The following EPHA2 variants were observed in gnomAD, a reference collection of about 807,000 sequenced individuals.
EPHA2 encodes the protein ephrin type-A receptor 2.
Under a neutral mutation model 104.9 loss-of-function variants are expected in EPHA2, and 54 were observed. The ratio of observed to expected loss-of-function variants is 0.51; its 90% confidence interval spans 0.41 to 0.65. The LOEUF is 0.65. EPHA2 is among the 30% of genes least tolerant of loss of function. The pLI is 0.00. For missense variants in EPHA2, 1,117 were observed against 1,369.5 expected (o/e 0.82, Z 2.91); for synonymous variants, 560 against 559.1 (o/e 1.00, Z -0.02).
Position 16,148,524 on chromosome 1 carries a change from A to G in EPHA2, c.677T>C (p.Val226Ala), listed in dbSNP as rs375273120. 39 of 1,613,648 alleles carry G rather than the reference A, an allele frequency of 2.4e-5. No individual in the cohort carries two copies. The highest frequency in any genetic ancestry group is 3.3e-5 in the Non-Finnish European group (39 of 1,179,978). The change falls in exon 3 of 17, where the codon GTG (valine) becomes GCG (alanine). Residue 226 changes from valine (V) to alanine (A), a missense_variant. Val to Ala is a moderately conservative substitution (Grantham distance 64). Transcript: ENST00000358432. The surrounding 1 kb of genome is among the most constrained non-coding windows in gnomAD (Gnocchi z 4.9). ...AGSDAPSLATVAGTCVDHAVV... is the reference protein window; with the variant it reads ...AGSDAPSLATAAGTCVDHAVV... ...GGCATGGTCCACACAGGTGCCGGCCACAGTGGCCAGGGAAGGTGCATCAGA... is the reference window on the plus strand; with the variant it reads ...GGCATGGTCCACACAGGTGCCGGCCGCAGTGGCCAGGGAAGGTGCATCAGA...
rs1242735985 is a variant in EPHA2, at chr1:16,131,147, C to T, written c.2475+574G>A. 3.3e-5 allele frequency among the ~76,000 whole-genome samples: 5 copies of T among 152,220 alleles called. No homozygotes were observed. Among genetic ancestry groups the T allele is most frequent in the African/African-American group, 1.2e-4 (5 of 41,466 alleles). On this transcript the variant is annotated intron_variant, in intron 14 of 16. Transcript: ENST00000358432. This position sits in a 1 kb window ranked among gnomAD's most constrained non-coding sequence, Gnocchi z 5.2. ...ACACACACACACATGCATGCATGCA[C>T]ATGTGCACACATACGGATGCACACA...
At position 16,131,936 on chromosome 1, in the gene EPHA2, G is replaced by A. The variant is rs779009465; in HGVS notation, c.2326-66C>T. 55 of 1,599,738 alleles carry A rather than the reference G, an allele frequency of 3.4e-5. No homozygotes were observed. The highest frequency in any genetic ancestry group is 4.0e-5 in the African/African-American group (3 of 74,586). ...CTGGCCCCAGGACCATTGCAGCCAA[G>A]CCCCACGACCCCTCCCTGGACTCCT... On this transcript the variant is annotated intron_variant, in intron 13 of 16. Coordinates refer to ENST00000358432, the MANE Select transcript of EPHA2 (RefSeq NM_004431.5). This position sits in a 1 kb window ranked among gnomAD's most constrained non-coding sequence, Gnocchi z 5.2.
chr1:16,130,366 G>C lies in EPHA2; in HGVS notation c.2529C>G (p.Pro843=). The C allele has an allele frequency of 6.3e-7, 1 of 1,578,600 alleles. No individual in the cohort carries two copies. The highest frequency in any genetic ancestry group is 8.6e-7 in the Non-Finnish European group (1 of 1,156,654). The part of the protein sequence containing the change: ...GFRLPTPMDC[P]SAIYQLMMQC... ...GCATCATGAGCTGGTAGATGGCGGA[G>C]GGGCAGTCCATGGGTGTGGGGAGCC... Residue 843 remains proline, a synonymous_variant, in exon 15 of 17, where the codon CCC becomes CCG. Coordinates refer to ENST00000358432, the MANE Select transcript of EPHA2 (RefSeq NM_004431.5). This position sits in a 1 kb window ranked among gnomAD's most constrained non-coding sequence, Gnocchi z 4.5.
Position 16,132,285 on chromosome 1 carries a change from C to G in EPHA2, c.2116-12G>C. 6.2e-7 allele frequency: 1 copy of G among 1,614,044 alleles called. No individual in the cohort carries two copies. Among genetic ancestry groups the G allele is most frequent in the Middle Eastern group, 1.6e-4 (1 of 6,062 alleles). On this transcript the variant is annotated splice_polypyrimidine_tract_variant and intron_variant, in intron 12 of 16. Transcript: ENST00000358432. ...TCGCCATCCTTCTCCTGCCGGAGCA[C>G]AGGCGCTCAGCTGCAGGCCAGCCCT...
intron 15 of EPHA2, among the ~76,000 whole-genome samples, 171 bp from the exon 16 acceptor site, chr1:16,129,760 G>A (rs376996229): frequency 7.9e-5 from 12 of 152,268 alleles, no homozygotes; most frequent in African/African-American, 1.2e-4. Context: ...CTCCTGGCAC[G>A]TTGGGAGCGC....
intron 1 of EPHA2, 103 bp from the exon 2 acceptor site, chr1:16,151,066 G>C (rs2025026046): frequency 9.1e-7 from 1 of 1,100,158 alleles, no homozygotes; most frequent in African/African-American, 1.5e-5. Context: ...CTCTCAGACA[G>C]AGCGAGAGGG....
chr1:16,130,201 C>A lies in EPHA2; in HGVS notation c.2669+25G>T, dbSNP rs1167653795. On this transcript the variant is annotated intron_variant, in intron 15 of 16. Coordinates refer to ENST00000358432, the MANE Select transcript of EPHA2 (RefSeq NM_004431.5). This position sits in a 1 kb window ranked among gnomAD's most constrained non-coding sequence, Gnocchi z 4.5. Reference sequence around the variant, plus strand: ...TCTGCAGAAGGAAAATTGAGGTCATCATGGGCAGAGGGCATAGAACTCACC... The same window carrying A: ...TCTGCAGAAGGAAAATTGAGGTCATAATGGGCAGAGGGCATAGAACTCACC... 22 of 1,613,924 alleles carry A rather than the reference C, an allele frequency of 1.4e-5. No individual in the cohort carries two copies. Among genetic ancestry groups the A allele is most frequent in the Non-Finnish European group, 1.8e-5 (21 of 1,179,942 alleles).
At position 16,131,889 on chromosome 1, in the gene EPHA2, C is replaced by G; in HGVS notation, c.2326-19G>C. On this transcript the variant is annotated intron_variant, in intron 13 of 16. Transcript: ENST00000358432. The surrounding 1 kb of genome is among the most constrained non-coding windows in gnomAD (Gnocchi z 5.2). ...TGCCGCCCTGCAGGGAACCCAGGCC[C>G]AGTCACCACTGTGCCCTCTGGCTGG... is the stretch of plus-strand genomic sequence containing the variant. 6.2e-7 allele frequency: 1 copy of G among 1,612,548 alleles called. No homozygotes were observed.
rs557194943 is a variant in EPHA2, at chr1:16,124,522, A to C, written c.*693T>G. On this transcript the variant is annotated 3_prime_UTR_variant, in exon 17 of 17. Coordinates refer to ENST00000358432, the MANE Select transcript of EPHA2 (RefSeq NM_004431.5). The stretch of plus-strand genomic sequence containing the variant: ...GGGCCGACTGGGGCATGGGCAGGAC[A>C]CTCCTGCAGCACCGGTCCCTGAGTC... 6.6e-6 allele frequency: 1 copy of C among 152,342 alleles called. No homozygotes were observed. Among genetic ancestry groups the C allele is most frequent in the Non-Finnish European group, 1.5e-5 (1 of 68,016 alleles). 9.4% of individuals were successfully genotyped at this position (152,342 alleles called of 1,614,324 possible).
In EPHA2 at chr1:16,148,024, T is replaced by C. The variant is rs1037549019; in HGVS notation, c.823+354A>G. On this transcript the variant is annotated intron_variant, in intron 3 of 16. Transcript: ENST00000358432. The surrounding 1 kb of genome is among the most constrained non-coding windows in gnomAD (Gnocchi z 4.9). ...CCAAGTAGCTGGGATTACAGGTGCA[T>C]GCCACCACACCCAGCTAATTTTTGT... Among the ~76,000 whole-genome samples, 1 of 152,010 alleles carries C rather than the reference T, an allele frequency of 6.6e-6. No individual in the cohort carries two copies. The highest frequency in any genetic ancestry group is 1.5e-5 in the Non-Finnish European group (1 of 68,006).
At position 16,148,383 on chromosome 1, in the gene EPHA2, C is replaced by T. The variant is rs779899828; in HGVS notation, c.818G>A (p.Cys273Tyr). 1 of 1,613,666 alleles carries T rather than the reference C, an allele frequency of 6.2e-7. No homozygotes were observed. The highest frequency in any genetic ancestry group is 8.5e-7 in the Non-Finnish European group (1 of 1,180,036). ...QAGYEKVEDA[C>Y]QACSPGFFKF... ...AACCCAGAACCGTCACTCACCCTGGCAGGCATCCTCCACCTTCTCGTAGCC... is the reference window on the plus strand; with the variant it reads ...AACCCAGAACCGTCACTCACCCTGGTAGGCATCCTCCACCTTCTCGTAGCC... The change falls in exon 3 of 17, where the codon TGC becomes TAC. Residue 273 changes from cysteine (C) to tyrosine (Y), a missense_variant. Transcript: ENST00000358432. This position sits in a 1 kb window ranked among gnomAD's most constrained non-coding sequence, Gnocchi z 4.9.
At position 16,134,337 on chromosome 1, in the gene EPHA2, C is replaced by T. The variant is rs2024639645; in HGVS notation, c.1682+131G>A. The T allele has an allele frequency of 1.9e-6, 2 of 1,049,168 alleles. No homozygotes were observed. The highest frequency in any genetic ancestry group is 2.9e-6 in the Non-Finnish European group (2 of 689,428). The allele number at this position is 1,049,168 out of a possible 1,614,324, so 65.0% of individuals were successfully genotyped here. On this transcript the variant is annotated intron_variant, in intron 8 of 16. Coordinates refer to ENST00000358432, the MANE Select transcript of EPHA2 (RefSeq NM_004431.5). The surrounding 1 kb of genome is among the most constrained non-coding windows in gnomAD (Gnocchi z 4.5). ...ACACACTCTAACTCGTATATCCTCG[C>T]ACCATCCGGAGGCAGGGATTAGACT... is the stretch of plus-strand genomic sequence containing the variant.
Position 16,135,339 on chromosome 1 carries a change from G to C in EPHA2, c.1429-150C>G, listed in dbSNP as rs999067547. 1 of 1,039,336 alleles carries C rather than the reference G, an allele frequency of 9.6e-7. No individual in the cohort carries two copies. The highest frequency in any genetic ancestry group is 1.6e-5 in the African/African-American group (1 of 63,238). 64.4% of individuals were successfully genotyped at this position (1,039,336 alleles called of 1,614,324 possible). On this transcript the variant is annotated intron_variant, in intron 6 of 16. Transcript: ENST00000358432. This position sits in a 1 kb window ranked among gnomAD's most constrained non-coding sequence, Gnocchi z 4.3. The stretch of plus-strand genomic sequence containing the variant: ...CTTACAGAGGAGGAAACTGAGGCTC[G>C]GAATTAAGTGACTCACTCAAGGTCA...
Position 16,125,587 on chromosome 1 carries a change from G to C in EPHA2, c.2826-267C>G, listed in dbSNP as rs554684815. 6.6e-6 allele frequency among the ~76,000 whole-genome samples: 1 copy of C among 152,266 alleles called. No homozygotes were observed. Among genetic ancestry groups the C allele is most frequent in the East Asian group, 1.9e-4 (1 of 5,182 alleles). On this transcript the variant is annotated intron_variant, in intron 16 of 16. Coordinates refer to ENST00000358432, the MANE Select transcript of EPHA2 (RefSeq NM_004431.5). This position sits in a 1 kb window ranked among gnomAD's most constrained non-coding sequence, Gnocchi z 4.9. ...GACAGAAGCCTCAACTCTGTACGAT[G>C]CTTTAAAAAAATAAAAATAAATCAA...
At chr1:16,132,037 C>T in intron 13 of EPHA2, 27 bp downstream of exon 13, 1 of 1,614,026 alleles carries the variant, frequency 6.2e-7, no homozygotes, top group East Asian at 2.2e-5. Flanking sequence ...GGCCGCTTCT[C>T]CCTTGAGGTC....
chr1:16,130,233 C>T lies in EPHA2; in HGVS notation c.2662G>A (p.Asp888Asn), dbSNP rs138168734. The change falls in exon 15 of 17, where the codon GAC (aspartate) becomes AAC (asparagine). Residue 888 changes from aspartate to asparagine, a missense_variant. Coordinates refer to ENST00000358432, the MANE Select transcript of EPHA2 (RefSeq NM_004431.5). This position sits in a 1 kb window ranked among gnomAD's most constrained non-coding sequence, Gnocchi z 4.5. ...AGAGGGCATAGAACTCACCGGGGGT[C>T]AAAGTCAGCCAGGGTCTTGAGGGAG... ...PDSLKTLADF[D>N]PRVSIRLPST... 48 of 1,614,132 alleles carry T rather than the reference C, an allele frequency of 3.0e-5. 1 individual carries two copies. The African/African-American group carries it at 5.6e-4, about 19-fold the overall frequency.
At chr1:16,143,947 C>T (rs1300934123) in intron 3 of EPHA2, among the ~76,000 whole-genome samples, 2 of 152,170 alleles carry the variant, frequency 1.3e-5, no homozygotes, top group East Asian at 1.9e-4. Flanking sequence ...CAGGGCCTGA[C>T]GGCTGCCAGC....
rs745684787 is a variant in EPHA2, at chr1:16,132,397, GC to G, written c.2095del (p.Ala699ProfsTer29). The G allele has an allele frequency of 6.8e-6, 11 of 1,614,134 alleles. No homozygotes were observed. The highest frequency in any genetic ancestry group is 5.9e-6 in the Non-Finnish European group (7 of 1,180,030). On this transcript the variant is annotated frameshift_variant, in exon 12 of 17. Transcript: ENST00000358432. LOFTEE classifies it high-confidence loss of function. ...MIITEYMENGALDKFLREKDG... is the reference protein window; with the variant it reads ...MIITEYMENGXLDKFLREKDG... ...CCTTACCCGAAGGAACTTGTCCAGG[GC>G]CCCATTCTCCATGTACTCAGTGATG...
At chr1:16,152,856 C>A (rs1005805504) in intron 1 of EPHA2, among the ~76,000 whole-genome samples, 7 of 152,184 alleles carry the variant, frequency 4.6e-5, no homozygotes, top group Non-Finnish European at 8.8e-5. Context: ...AGGAAGGAGC[C>A]CCCCCTGCAG....
Sources: gnomAD v4.1 joint callset for allele counts (sites outside exome capture counted in the v4.1 genomes callset) on GRCh38, gnomAD v4.1.1 for gene constraint, Gnocchi (gnomAD v3.1) non-coding constraint, MANE v1.5 for transcripts, NCBI Gene and HGNC (gene_info 2026-07-23, HGNC 2026-07-21) for gene names.